ANKIB1: variants seen among roughly 807,000 people sequenced by gnomAD.
ANKIB1 encodes the protein ankyrin repeat and IBR domain-containing protein 1.
A neutral mutation model predicts 122.1 loss-of-function variants in ANKIB1; 43 were observed. The observed-to-expected ratio is 0.35, with a 90% CI of 0.28 to 0.45. The LOEUF is 0.45. Among genes scored for constraint, ANKIB1 ranks in the 20% least tolerant of loss-of-function variants. ANKIB1 has a pLI of 1.00. For synonymous variants in ANKIB1, 390 were observed against 442.0 expected, an observed-to-expected ratio of 0.88 and a Z score of 1.48; for missense variants, 992 against 1,329.5, an observed-to-expected ratio of 0.75 and a Z score of 3.95.
chr7:92,362,389 G>A (rs1803971592), intron 10 of ANKIB1, 116 bp downstream of exon 10: 12 of 898,334 alleles, frequency 1.3e-5, no homozygotes, highest in Non-Finnish European at 2.1e-5. Context: ...TAATGCAAGT[G>A]CTCTCCTGTT....
chr7:92,259,603 G>A (rs1440748853), intron 1 of ANKIB1, among the ~76,000 whole-genome samples: 2 of 152,198 alleles, frequency 1.3e-5, no homozygotes, highest in Non-Finnish European at 2.9e-5. Context: ...TTAATAGCAT[G>A]TGTAAATTGT....
Position 92,400,418 on chromosome 7 carries a change from G to T in ANKIB1, c.*1469G>T, listed in dbSNP as rs139824665. On this transcript the variant is annotated 3_prime_UTR_variant, in exon 20 of 20. Coordinates refer to ENST00000265742, the MANE Select transcript of ANKIB1 (RefSeq NM_019004.2). ...TATTATCAAAACTAGCATAACATAA[G>T]CAAAATAGATAAGTACAACACTCCA... 6.6e-6 allele frequency: 1 copy of T among 152,226 alleles called. No individual in the cohort carries two copies. The highest frequency in any genetic ancestry group is 2.4e-5 in the African/African-American group (1 of 41,538). 9.4% of individuals were successfully genotyped at this position (152,226 alleles called of 1,614,324 possible). A position where few individuals can be genotyped will look rare whatever the true frequency, so the allele number is the denominator to read the frequency against.
At chr7:92,363,266 C>T (rs1803992253) in intron 10 of ANKIB1, among the ~76,000 whole-genome samples, 1 of 152,068 alleles carries the variant, frequency 6.6e-6, no homozygotes, top group African/African-American at 2.4e-5. Flanking sequence ...AAAAAATTAG[C>T]TGGGCGTGGT....
At chr7:92,275,146 C>T (rs928026983) in intron 1 of ANKIB1, among the ~76,000 whole-genome samples, 2 of 152,024 alleles carry the variant, frequency 1.3e-5, no homozygotes, top group Non-Finnish European at 2.9e-5. Flanking sequence ...TTCAAAATTC[C>T]AGCTTTTTTG....
chr7:92,332,077 C>T (rs1413715375), intron 5 of ANKIB1, among the ~76,000 whole-genome samples: 1 of 152,156 alleles, frequency 6.6e-6, no homozygotes, highest in African/African-American at 2.4e-5. Flanking sequence ...ACTGAATTTT[C>T]GTGCTTGGCA....
intron 11 of ANKIB1, among the ~76,000 whole-genome samples, chr7:92,385,161 A>G (rs1367972473): frequency 2.0e-5 from 3 of 152,240 alleles, no homozygotes; most frequent in Non-Finnish European, 4.4e-5. Flanking sequence ...AGAGAAATGC[A>G]AATCAAAACC....
intron 2 of ANKIB1, among the ~76,000 whole-genome samples, chr7:92,300,937 A>C (rs149134811): frequency 2.0e-5 from 3 of 152,214 alleles, no homozygotes; most frequent in Non-Finnish European, 4.4e-5. Context: ...TATAAGTGAG[A>C]TCTTGCACTC....
chr7:92,251,379 T>C (rs576240328), intron 1 of ANKIB1, among the ~76,000 whole-genome samples: 22 of 152,316 alleles, frequency 1.4e-4, no homozygotes, highest in African/African-American at 5.3e-4. Context: ...AAGGAAAGTA[T>C]GTAAATCAAC....
intron 3 of ANKIB1, among the ~76,000 whole-genome samples, chr7:92,318,361 C>A (rs1802835497): frequency 6.6e-6 from 1 of 151,904 alleles, no homozygotes; most frequent in African/African-American, 2.4e-5. Flanking sequence ...ACTAAAAATA[C>A]AAAAATTAGC....
chr7:92,254,374 G>C lies in ANKIB1; in HGVS notation c.-91+7855G>C, dbSNP rs980524212. Among the ~76,000 whole-genome samples, 4 of 152,038 alleles carry C rather than the reference G, an allele frequency of 2.6e-5. No homozygotes were observed. The East Asian group carries it at 7.7e-4, about 29-fold the overall frequency. On this transcript the variant is annotated intron_variant, in intron 1 of 19. Coordinates refer to ENST00000265742, the MANE Select transcript of ANKIB1 (RefSeq NM_019004.2). ...ATAATATTGTAATTAATATCTTTGT[G>C]CATAGTATATACCAATTTAATTTTA...
At chr7:92,319,182 CTTTTT>C (rs1292818656) in intron 3 of ANKIB1, 143 bp from the exon 4 acceptor site, 1 of 371,086 alleles carries the variant, frequency 2.7e-6, no homozygotes, top group Non-Finnish European at 4.6e-6. Flanking sequence ...ATCTAAATAC[CTTTTT>C]TTTTTGTCAT....
chr7:92,384,876 A>G (rs960281756), intron 11 of ANKIB1, among the ~76,000 whole-genome samples: 3 of 152,220 alleles, frequency 2.0e-5, no homozygotes, highest in African/African-American at 7.2e-5. Context: ...AAAAGCCAAA[A>G]TAGAAACATG....
intron 5 of ANKIB1, among the ~76,000 whole-genome samples, chr7:92,332,997 G>A (rs767378645): frequency 6.6e-6 from 1 of 152,070 alleles, no homozygotes; most frequent in Non-Finnish European, 1.5e-5. Context: ...CCAACCAACT[G>A]GGTATTCGAG....
intron 9 of ANKIB1, among the ~76,000 whole-genome samples, chr7:92,359,868 C>G (rs2115594502): frequency 6.6e-6 from 1 of 152,304 alleles, no homozygotes; most frequent in South Asian, 2.1e-4. Context: ...ATTGATTCTT[C>G]TGCCTCAGCC....
chr7:92,391,227 C>T lies in ANKIB1; in HGVS notation c.2114C>T (p.Thr705Ile), dbSNP rs774021605. 1.2e-6 allele frequency: 2 copies of T among 1,613,264 alleles called. No homozygotes were observed. The highest frequency in any genetic ancestry group is 1.7e-5 in the Admixed American group (1 of 59,962). Reference sequence around the variant, plus strand: ...AAAGTCAATAGGCCTTACCTTCGCACACCCCGCCACAAGATCATCAAAGCA... The same window carrying T: ...AAAGTCAATAGGCCTTACCTTCGCATACCCCGCCACAAGATCATCAAAGCA... ...AQKVNRPYLR[T>I]PRHKIIKAAC... Residue 705 changes from threonine (T) to isoleucine (I), a missense_variant, in exon 16 of 20, where the codon ACA (threonine) becomes ATA (isoleucine). Around this residue, in one of 4 missense-constraint regions of ANKIB1, gnomAD observed 521 missense variants for 777.7 expected, o/e 0.67. Coordinates refer to ENST00000265742, the MANE Select transcript of ANKIB1 (RefSeq NM_019004.2).
At chr7:92,251,996 T>A (rs1801339518) in intron 1 of ANKIB1, among the ~76,000 whole-genome samples, 2 of 152,180 alleles carry the variant, frequency 1.3e-5, no homozygotes, top group African/African-American at 4.8e-5. Context: ...TTATGCCCTG[T>A]ATTCTGTGTG....
chr7:92,334,757 A>G (rs2131965625), intron 5 of ANKIB1, among the ~76,000 whole-genome samples: 1 of 152,080 alleles, frequency 6.6e-6, no homozygotes, highest in Admixed American at 6.5e-5. Context: ...TTAAAAATTA[A>G]TGCATGATAT....
chr7:92,399,750 C>T lies in ANKIB1; in HGVS notation c.*801C>T, dbSNP rs1219967191. The T allele has an allele frequency of 6.6e-6, 1 of 152,136 alleles. No homozygotes were observed. The highest frequency in any genetic ancestry group is 1.5e-5 in the Non-Finnish European group (1 of 68,030). 9.4% of individuals were successfully genotyped at this position (152,136 alleles called of 1,614,324 possible). A position where few individuals can be genotyped will look rare whatever the true frequency, so the allele number is the denominator to read the frequency against. On this transcript the variant is annotated 3_prime_UTR_variant, in exon 20 of 20. Transcript: ENST00000265742. ...AGCCTGTAGCTTAAGTTAACTAAAC[C>T]TAATGCTGCTGTTAAAAACAGTTTA...
chr7:92,264,880 T>G (rs1801638586), intron 1 of ANKIB1, among the ~76,000 whole-genome samples: 1 of 152,212 alleles, frequency 6.6e-6, no homozygotes, highest in African/African-American at 2.4e-5. Context: ...GCAAATGATT[T>G]GAAGGGATAC....
Sources: allele counts gnomAD v4.1 joint callset (sites outside exome capture counted in the v4.1 genomes callset), GRCh38; gene constraint gnomAD v4.1.1; regional missense constraint gnomAD v4.1.1; transcripts MANE v1.5; gene names NCBI Gene and HGNC (gene_info 2026-07-23, HGNC 2026-07-21).